Variants in BABAM2 observed in about 807,000 individuals in gnomAD.
BABAM2 encodes BRISC and BRCA1 A complex member 2, also known as BRISC and BRCA1-A complex member 2.
BABAM2 carries 31 observed loss-of-function variants against 54.7 expected under a neutral mutation model. The observed-to-expected ratio is 0.57, with a 90% CI of 0.43 to 0.77. The LOEUF is 0.77. Ranked by LOEUF, BABAM2 falls within the 30% of genes least tolerant of loss-of-function variation. The pLI, the probability that BABAM2 is intolerant of heterozygous loss-of-function variation, is 0.00. For synonymous variants in BABAM2, 167 were observed against 162.9 expected (o/e 1.03, Z -0.19); for missense variants, 364 against 455.8 (o/e 0.80, Z 1.83).
rs1681999429 is a variant in BABAM2, at chr2:28,237,261, T to C, written c.740T>C (p.Ile247Thr). ...IPAFPGGGCL[I>T]DYVPQVCHLL... ...GCTTTTCCAGGAGGAGGATGTCTCA[T>C]TGATTACGTTCCTCAAGTATGCCAC... The change falls in exon 8 of 12, where the codon ATT becomes ACT. Residue 247 changes from isoleucine to threonine, a missense_variant. Ile to Thr is a moderately conservative substitution (Grantham distance 89). Transcript: ENST00000379624. The C allele has an allele frequency of 6.2e-7, 1 of 1,613,938 alleles. No homozygotes were observed. Among genetic ancestry groups the C allele is most frequent in the Non-Finnish European group, 8.5e-7 (1 of 1,179,898 alleles).
chr2:28,085,949 A>G (rs1384919114), intron 6 of BABAM2, among the ~76,000 whole-genome samples: 1 of 152,180 alleles, frequency 6.6e-6, no homozygotes, highest in Non-Finnish European at 1.5e-5. Context: ...GACATTTTGT[A>G]AAGGTTTCAT....
At position 27,981,464 on chromosome 2, in the gene BABAM2, T is replaced by C. The variant is rs150471409; in HGVS notation, c.206-6529T>C. 3.2e-3 allele frequency among the ~76,000 whole-genome samples: 486 copies of C among 152,246 alleles called. 1 individual carries two copies. The highest frequency in any genetic ancestry group is 0.01 in the Admixed American group (159 of 15,278). On this transcript the variant is annotated intron_variant, in intron 3 of 11. Transcript: ENST00000379624. The stretch of plus-strand genomic sequence containing the variant: ...ACCATCACTAATTTCAGAAAATATT[T>C]ATCATCACAAAAAGAAAGCTTGTAC...
At chr2:28,215,007 A>G (rs1448578055) in intron 7 of BABAM2, among the ~76,000 whole-genome samples, 1 of 152,148 alleles carries the variant, frequency 6.6e-6, no homozygotes, top group Non-Finnish European at 1.5e-5. Flanking sequence ...AATGAATGTC[A>G]AGCAGAATTT....
intron 5 of BABAM2, among the ~76,000 whole-genome samples, chr2:28,026,764 TATAAATATATAAAAAA>T (rs1400578307): frequency 4.5e-5 from 5 of 111,216 alleles, no homozygotes; most frequent in African/African-American, 1.4e-4. Flanking sequence ...TATATATCTA[TATAAATATATAAAAAA>T]ATATAAATAT....
At chr2:28,102,738 G>A (rs967569712) in intron 6 of BABAM2, among the ~76,000 whole-genome samples, 13 of 152,156 alleles carry the variant, frequency 8.5e-5, no homozygotes, top group East Asian at 3.9e-4. Context: ...ATTACAATGT[G>A]CGAACAGACA....
At chr2:28,167,956 G>C (rs919705961) in intron 7 of BABAM2, among the ~76,000 whole-genome samples, 3 of 152,158 alleles carry the variant, frequency 2.0e-5, no homozygotes, top group Admixed American at 1.3e-4. Flanking sequence ...GAAGAAACAG[G>C]CTTAGAGAAG....
chr2:28,191,879 C>T (rs948062416), intron 7 of BABAM2, among the ~76,000 whole-genome samples: 2 of 151,918 alleles, frequency 1.3e-5, no homozygotes, highest in African/African-American at 4.8e-5. Flanking sequence ...TTGAAATGTA[C>T]AATTGTACAT....
chr2:28,166,707 A>G (rs1355536971), intron 7 of BABAM2, among the ~76,000 whole-genome samples: 3 of 152,152 alleles, frequency 2.0e-5, no homozygotes, highest in African/African-American at 7.2e-5. Flanking sequence ...CGCTCATGAC[A>G]TTACAGTTAT....
intron 3 of BABAM2, among the ~76,000 whole-genome samples, chr2:27,978,339 T>C (rs955278193): frequency 6.6e-6 from 1 of 152,226 alleles, no homozygotes; most frequent in African/African-American, 2.4e-5. Context: ...CAGAAGCAGA[T>C]GCTGGCACCA....
At chr2:27,922,325 A>C (rs565132557) in intron 2 of BABAM2, among the ~76,000 whole-genome samples, 1 of 152,354 alleles carries the variant, frequency 6.6e-6, no homozygotes, top group South Asian at 2.1e-4. Flanking sequence ...CTGGTTGGGA[A>C]AACAAGCCAC....
At chr2:28,138,437 C>A (rs1670733882) in intron 7 of BABAM2, among the ~76,000 whole-genome samples, 1 of 152,106 alleles carries the variant, frequency 6.6e-6, no homozygotes, top group African/African-American at 2.4e-5. Flanking sequence ...ATAGACTTCA[C>A]CCTAGAAAAA....
At chr2:28,126,412 C>A (rs1395879196) in intron 6 of BABAM2, among the ~76,000 whole-genome samples, 5 of 147,976 alleles carry the variant, frequency 3.4e-5, no homozygotes, top group East Asian at 4.0e-4. Context: ...TTTGTCCTTG[C>A]GATAGTTTAC....
intron 6 of BABAM2, among the ~76,000 whole-genome samples, chr2:28,065,018 A>AT (rs1679193729): frequency 6.6e-6 from 1 of 151,396 alleles, no homozygotes; most frequent in Non-Finnish European, 1.5e-5. Context: ...AAAAAAAAAA[A>AT]GAACCATTTA....
At position 28,241,407 on chromosome 2, in the gene BABAM2, T is replaced by C. The variant is rs1682416723; in HGVS notation, c.851+14T>C. 6 of 1,611,050 alleles carry C rather than the reference T, an allele frequency of 3.7e-6. No homozygotes were observed. Among genetic ancestry groups the C allele is most frequent in the Admixed American group, 1.7e-5 (1 of 60,002 alleles). On this transcript the variant is annotated intron_variant, in intron 9 of 11. Coordinates refer to ENST00000379624, the MANE Select transcript of BABAM2 (RefSeq NM_199191.3). ...TCACTTTGGCACGTAAGTTCTGCCCTGTTTGAACGATATACCGGTGATGCC... is the reference window on the plus strand; with the variant it reads ...TCACTTTGGCACGTAAGTTCTGCCCCGTTTGAACGATATACCGGTGATGCC...
At chr2:28,247,486 T>C (rs1391855305) in intron 10 of BABAM2, among the ~76,000 whole-genome samples, 3 of 152,168 alleles carry the variant, frequency 2.0e-5, no homozygotes, top group Non-Finnish European at 4.4e-5. Flanking sequence ...AAGGGACCAC[T>C]TGTTCCTTTT....
At chr2:28,195,873 A>G (rs983056200) in intron 7 of BABAM2, among the ~76,000 whole-genome samples, 1 of 152,240 alleles carries the variant, frequency 6.6e-6, no homozygotes, top group Non-Finnish European at 1.5e-5. Flanking sequence ...ATATTAGTTC[A>G]AACAAACCAA....
intron 6 of BABAM2, among the ~76,000 whole-genome samples, chr2:28,072,536 C>T (rs1664251352): frequency 6.6e-6 from 1 of 152,158 alleles, no homozygotes; most frequent in South Asian, 2.1e-4. Flanking sequence ...CAGGTGCCCA[C>T]CACCACGCCT....
At chr2:27,936,212 G>A (rs10194283) in intron 3 of BABAM2, among the ~76,000 whole-genome samples, 97,682 of 152,008 alleles carry the variant, frequency 0.64, 33,403 homozygotes, top group Middle Eastern at 0.8. Context: ...GAGCCACCAT[G>A]TCCGGCCGCA....
At chr2:27,919,561 A>G (rs546219025) in intron 2 of BABAM2, among the ~76,000 whole-genome samples, 1 of 152,362 alleles carries the variant, frequency 6.6e-6, no homozygotes, top group African/African-American at 2.4e-5. Flanking sequence ...TTATGAATGG[A>G]TGTTTAATTT....
Sources: gnomAD v4.1 joint callset for allele counts (sites outside exome capture counted in the v4.1 genomes callset) on GRCh38, gnomAD v4.1.1 for gene constraint, MANE v1.5 for transcripts, NCBI Gene and HGNC (gene_info 2026-07-23, HGNC 2026-07-21) for gene names.